The following SGCG variants were observed in gnomAD, a reference collection of about 807,000 sequenced individuals.
SGCG encodes sarcoglycan gamma.
Under a neutral mutation model 29.3 loss-of-function variants are expected in SGCG, and 26 were observed. The observed-to-expected ratio is 0.89, with a 90% CI of 0.65 to 1.23. The LOEUF is 1.23. Among genes scored for constraint, SGCG ranks in the 50% most tolerant of loss-of-function variants. SGCG has a pLI of 0.00. For missense variants in SGCG, 353 were observed against 356.0 expected (o/e 0.99, Z 0.07); for synonymous variants, 145 against 129.7 (o/e 1.12, Z -0.80).
intron 3 of SGCG, among the ~76,000 whole-genome samples, chr13:23,242,216 A>G (rs1254081795): frequency 3.3e-5 from 5 of 152,198 alleles, no homozygotes; most frequent in African/African-American, 9.6e-5. Flanking sequence ...TTGCTGCTTC[A>G]ATGATTAAAT....
chr13:23,162,831 A>AAAAT, the SGCG span, among the ~76,000 whole-genome samples: 1 of 152,018 alleles, frequency 6.6e-6, no homozygotes, highest in Non-Finnish European at 1.5e-5. Context: ...CTCCGTCTCA[A>AAAAT]AAATAAATAA....
At chr13:23,322,753 GCCCCCCACCCATCCACCTCCCCCCCC>G (rs1883086120) in intron 7 of SGCG, among the ~76,000 whole-genome samples, 1 of 9,998 alleles carries the variant, frequency 1.0e-4, no homozygotes, top group Non-Finnish European at 2.0e-4. Context: ...TGCACAGACC[GCCCCCCACCCATCCACCTCCCCCCCC>G]CCCCCCCCCC....
At chr13:23,252,609 T>A (rs1880013565) in intron 4 of SGCG, among the ~76,000 whole-genome samples, 1 of 152,072 alleles carries the variant, frequency 6.6e-6, no homozygotes, top group Admixed American at 6.6e-5. Context: ...GAGAATGGCG[T>A]GAACCCGGGA....
In SGCG at chr13:23,266,932, A is replaced by G. The variant is rs190628367; in HGVS notation, c.386-12427A>G. 1.9e-3 allele frequency among the ~76,000 whole-genome samples: 286 copies of G among 152,282 alleles called. 2 individuals carry two copies. The highest frequency in any genetic ancestry group is 6.7e-3 in the African/African-American group (278 of 41,550). ...TACCCAGCCTCAGGAATTTCTTTGTAGCAATGCAATAATGAACTAACACAA... is the reference window on the plus strand; with the variant it reads ...TACCCAGCCTCAGGAATTTCTTTGTGGCAATGCAATAATGAACTAACACAA... On this transcript the variant is annotated intron_variant, in intron 4 of 7. Transcript: ENST00000218867.
At chr13:23,165,822 C>T in the SGCG span, among the ~76,000 whole-genome samples, 4 of 152,166 alleles carry the variant, frequency 2.6e-5, no homozygotes, top group Non-Finnish European at 5.9e-5. Context: ...CCACCGTGCC[C>T]AGCCTGTTTC....
At chr13:23,283,405 T>C (rs1881381165) in intron 5 of SGCG, among the ~76,000 whole-genome samples, 1 of 152,204 alleles carries the variant, frequency 6.6e-6, no homozygotes, top group African/African-American at 2.4e-5. Context: ...CTTTGTTGGT[T>C]TAAAGTCTAT....
At chr13:23,193,415 A>AC (rs762523660) in intron 1 of SGCG, among the ~76,000 whole-genome samples, 1 of 152,210 alleles carries the variant, frequency 6.6e-6, no homozygotes. Context: ...AAGAGGCTGC[A>AC]CCGTCAGTGT....
At chr13:23,199,177 T>A (rs794498) in intron 1 of SGCG, among the ~76,000 whole-genome samples, 36,261 of 152,016 alleles carry the variant, frequency 0.24, 4,604 homozygotes, top group African/African-American at 0.3. Context: ...AATAATGTAA[T>A]TTTTAATGAC....
At chr13:23,320,569 G>A in intron 6 of SGCG, 68 bp from the exon 7 acceptor site, 1 of 1,337,910 alleles carries the variant, frequency 7.5e-7, no homozygotes, top group Non-Finnish European at 1.0e-6. Context: ...GCTAAGTTGA[G>A]GGATTGCTGG....
intron 2 of SGCG, among the ~76,000 whole-genome samples, chr13:23,226,281 C>G (rs1193600857): frequency 1.3e-5 from 2 of 151,320 alleles, no homozygotes; most frequent in African/African-American, 4.9e-5. Flanking sequence ...AAAGCATATA[C>G]CAAATCAATA....
At chr13:23,263,273 C>T (rs974086361) in intron 4 of SGCG, among the ~76,000 whole-genome samples, 3 of 151,800 alleles carry the variant, frequency 2.0e-5, no homozygotes, top group Non-Finnish European at 4.4e-5. Flanking sequence ...CAAATAAGCT[C>T]GATTAGAAAT....
intron 2 of SGCG, among the ~76,000 whole-genome samples, chr13:23,224,866 C>T (rs1348143766): frequency 2.6e-5 from 4 of 152,132 alleles, no homozygotes; most frequent in African/African-American, 9.7e-5. Flanking sequence ...ATCTCAACCT[C>T]CGAGAGTAGG....
intron 2 of SGCG, among the ~76,000 whole-genome samples, chr13:23,208,594 G>A (rs768213997): frequency 2.7e-4 from 41 of 152,210 alleles, no homozygotes; most frequent in Non-Finnish European, 4.3e-4. Context: ...CAAATTACTA[G>A]TATCTCACAA....
intron 2 of SGCG, among the ~76,000 whole-genome samples, chr13:23,217,931 T>C (rs1242091456): frequency 1.3e-5 from 2 of 152,078 alleles, no homozygotes; most frequent in African/African-American, 4.8e-5. Context: ...ACAAAATATT[T>C]ACAACAAACC....
intron 4 of SGCG, among the ~76,000 whole-genome samples, chr13:23,264,161 G>A (rs1016007581): frequency 7.2e-5 from 11 of 151,842 alleles, no homozygotes; most frequent in African/African-American, 1.7e-4. Flanking sequence ...CCAATGATGC[G>A]ATCTTATAGC....
At chr13:23,233,929 A>C (rs1400461815) in intron 2 of SGCG, among the ~76,000 whole-genome samples, 1 of 152,210 alleles carries the variant, frequency 6.6e-6, no homozygotes, top group African/African-American at 2.4e-5. Context: ...ACAGTGTTTC[A>C]AGGAGGAAGG....
At chr13:23,234,555 G>A in intron 2 of SGCG, 56 bp from the exon 3 acceptor site, 1 of 1,163,382 alleles carries the variant, frequency 8.6e-7, no homozygotes, top group Non-Finnish European at 1.3e-6. Context: ...ATATTAAGAG[G>A]AATGAAAAAG....
chr13:23,220,188 C>G (rs1387776322), intron 2 of SGCG, among the ~76,000 whole-genome samples: 1 of 152,002 alleles, frequency 6.6e-6, no homozygotes, highest in African/African-American at 2.4e-5. Flanking sequence ...CGCAGTGGCT[C>G]ACGTCTGTAA....
intron 1 of SGCG, among the ~76,000 whole-genome samples, chr13:23,181,884 C>T (rs139290060): frequency 8.5e-4 from 129 of 152,320 alleles, no homozygotes; most frequent in Middle Eastern, 3.4e-3. Context: ...AAACGAACTA[C>T]GGAATACACC....
Sources: gnomAD v4.1 joint callset for allele counts (sites outside exome capture counted in the v4.1 genomes callset) on GRCh38, gnomAD v4.1.1 for gene constraint, MANE v1.5 for transcripts, NCBI Gene and HGNC (gene_info 2026-07-23, HGNC 2026-07-21) for gene names.